MYO16: variants seen among roughly 807,000 people sequenced by gnomAD.
MYO16 encodes myosin XVI, also known as unconventional myosin-XVI.
In MYO16, 94 loss-of-function variants were observed where a neutral mutation model predicts 205.3. The observed-to-expected ratio is 0.46, with a 90% CI of 0.39 to 0.54. The LOEUF is 0.54. Ranked by LOEUF, MYO16 falls within the 20% of genes least tolerant of loss-of-function variation. The probability of loss-of-function intolerance (pLI) is 0.00; values close to 1 mark genes in which losing one functional copy is unlikely to be tolerated. For missense variants in MYO16, 2,315 were observed against 2,387.5 expected (o/e 0.97, Z 0.63); for synonymous variants, 988 against 954.0 (o/e 1.04, Z -0.66).
the MYO16 span, among the ~76,000 whole-genome samples, chr13:108,534,549 GT>G: frequency 1.1e-4 from 16 of 148,714 alleles, no homozygotes; most frequent in East Asian, 7.9e-4. Context: ...AAAAATTGCA[GT>G]TTTTTTTTTC....
At chr13:108,647,059 C>T (rs949178043) in intron 1 of MYO16, among the ~76,000 whole-genome samples, 34 of 152,036 alleles carry the variant, frequency 2.2e-4, no homozygotes, top group African/African-American at 6.8e-4. Flanking sequence ...CTTCTAAATC[C>T]ATGGCATTTT....
At chr13:109,067,121 C>CT (rs1887773874) in intron 27 of MYO16, among the ~76,000 whole-genome samples, 1 of 152,102 alleles carries the variant, frequency 6.6e-6, no homozygotes, top group Non-Finnish European at 1.5e-5. Context: ...CATGGGTCAC[C>CT]GCTGTGTACC....
intron 6 of MYO16, among the ~76,000 whole-genome samples, chr13:108,795,467 C>T (rs958019879): frequency 2.0e-5 from 3 of 152,162 alleles, no homozygotes; most frequent in South Asian, 2.1e-4. Flanking sequence ...CTTGGCCTCC[C>T]AAAGTGCTGG....
chr13:108,872,377 A>T (rs1460888558), intron 12 of MYO16, among the ~76,000 whole-genome samples: 1 of 151,990 alleles, frequency 6.6e-6, no homozygotes, highest in African/African-American at 2.4e-5. Flanking sequence ...GTATCTTGTG[A>T]TGGGAAAAAA....
At chr13:109,107,149 C>A (rs1889143657) in intron 28 of MYO16, among the ~76,000 whole-genome samples, 1 of 152,122 alleles carries the variant, frequency 6.6e-6, no homozygotes, top group South Asian at 2.1e-4. Flanking sequence ...GAGAGAGGCT[C>A]TGAAAGAAAT....
At chr13:108,559,835 A>T in the MYO16 span, among the ~76,000 whole-genome samples, 1 of 152,036 alleles carries the variant, frequency 6.6e-6, no homozygotes, top group Admixed American at 6.6e-5. Context: ...GCCAGTAAAG[A>T]TTCTATAAGA....
the MYO16 span, among the ~76,000 whole-genome samples, chr13:108,576,961 A>G: frequency 1.3e-5 from 2 of 151,936 alleles, no homozygotes; most frequent in East Asian, 1.9e-4. Context: ...GGGCCTTGCT[A>G]TGTTGCCTAG....
chr13:108,885,665 C>T (rs995529629), intron 13 of MYO16, among the ~76,000 whole-genome samples: 1 of 152,154 alleles, frequency 6.6e-6, no homozygotes, highest in Non-Finnish European at 1.5e-5. Context: ...AGACCCTTGA[C>T]TAGATTATTT....
At chr13:108,671,899 A>C (rs766310796) in intron 2 of MYO16, among the ~76,000 whole-genome samples, 1 of 152,162 alleles carries the variant, frequency 6.6e-6, no homozygotes, top group African/African-American at 2.4e-5. Context: ...CCCAAAGGCT[A>C]CAACTCCTAA....
intron 6 of MYO16, among the ~76,000 whole-genome samples, chr13:108,804,036 T>C (rs748373711): frequency 5.3e-5 from 8 of 152,196 alleles, no homozygotes; most frequent in Non-Finnish European, 1.0e-4. Context: ...TCCACTCTTC[T>C]GTGCTATTTC....
intron 27 of MYO16, among the ~76,000 whole-genome samples, chr13:109,077,229 A>G (rs976404164): frequency 1.3e-5 from 2 of 152,164 alleles, no homozygotes; most frequent in Non-Finnish European, 2.9e-5. Context: ...GATGTTGGCC[A>G]GGATGGTCTT....
intron 23 of MYO16, among the ~76,000 whole-genome samples, chr13:109,041,400 AAAG>A (rs1310673844): frequency 6.6e-6 from 1 of 152,184 alleles, no homozygotes; most frequent in Non-Finnish European, 1.5e-5. Flanking sequence ...ATTGAAAGGT[AAAG>A]AAGATAGAAT....
chr13:108,842,773 G>A (rs984840212), intron 9 of MYO16, among the ~76,000 whole-genome samples: 2 of 152,056 alleles, frequency 1.3e-5, no homozygotes, highest in Non-Finnish European at 2.9e-5. Flanking sequence ...CAAAAGAAAT[G>A]AAATCAAGAT....
At chr13:108,694,367 T>A (rs911218300) in intron 2 of MYO16, among the ~76,000 whole-genome samples, 32 of 152,256 alleles carry the variant, frequency 2.1e-4, no homozygotes, top group Admixed American at 1.2e-3. Flanking sequence ...AACTGTTTTC[T>A]ACAGTGGCGA....
At chr13:108,767,794 A>G (rs529144634) in intron 4 of MYO16, among the ~76,000 whole-genome samples, 82 of 152,186 alleles carry the variant, frequency 5.4e-4, no homozygotes, top group African/African-American at 1.9e-3. Context: ...GAATTTTTAC[A>G]CTTAGCCCCA....
chr13:108,977,959 C>T (rs115819823), intron 20 of MYO16, among the ~76,000 whole-genome samples: 3,605 of 151,804 alleles, frequency 0.024, 105 homozygotes, highest in African/African-American at 0.072. Flanking sequence ...TTTTTTCTTC[C>T]GCAAATATAT....
intron 2 of MYO16, among the ~76,000 whole-genome samples, chr13:108,688,133 C>G (rs537704804): frequency 6.6e-6 from 1 of 152,072 alleles, no homozygotes. Flanking sequence ...CTTTGTAATT[C>G]TTTCTCTTGT....
At chr13:108,611,313 T>C (rs1879164859) in intron 1 of MYO16, among the ~76,000 whole-genome samples, 1 of 152,078 alleles carries the variant, frequency 6.6e-6, no homozygotes, top group African/African-American at 2.4e-5. Flanking sequence ...CCTTAAAAAA[T>C]GAATCAAATT....
chr13:108,538,311 A>G, the MYO16 span, among the ~76,000 whole-genome samples: 1 of 152,160 alleles, frequency 6.6e-6, no homozygotes, highest in African/African-American at 2.4e-5. Context: ...AGAAGTAATC[A>G]GAGACTAGAA....
Sources: allele counts gnomAD v4.1 joint callset (sites outside exome capture counted in the v4.1 genomes callset), GRCh38; gene constraint gnomAD v4.1.1; transcripts MANE v1.5; gene names NCBI Gene and HGNC (gene_info 2026-07-23, HGNC 2026-07-21).